IL12RB2: variants seen among roughly 807,000 people sequenced by gnomAD.
IL12RB2 encodes interleukin 12 receptor subunit beta 2.
In IL12RB2, 82 loss-of-function variants were observed where a neutral mutation model predicts 89.4. The ratio of observed to expected loss-of-function variants is 0.92; its 90% CI spans 0.77 to 1.10. IL12RB2 has a LOEUF of 1.10. IL12RB2 is among the 50% of genes least tolerant of loss of function. The pLI is 0.00. For synonymous variants in IL12RB2, 368 were observed against 370.1 expected, an observed-to-expected ratio of 0.99 and a Z score of 0.07; for missense variants, 963 against 1,031.9, an observed-to-expected ratio of 0.93 and a Z score of 0.92.
At chr1:67,373,567 G>A (rs1223350089) in intron 13 of IL12RB2, among the ~76,000 whole-genome samples, 1 of 152,150 alleles carries the variant, frequency 6.6e-6, no homozygotes, top group Non-Finnish European at 1.5e-5. Flanking sequence ...TATTCTATAA[G>A]TATAAAACTA....
chr1:67,324,961 A>G (rs1175300985), intron 4 of IL12RB2, among the ~76,000 whole-genome samples: 2 of 152,282 alleles, frequency 1.3e-5, no homozygotes, highest in Non-Finnish European at 2.9e-5. Context: ...AAAATGGAAC[A>G]AGAATAGATG....
chr1:67,310,527 G>A (rs1373368077), intron 1 of IL12RB2, among the ~76,000 whole-genome samples: 1 of 152,172 alleles, frequency 6.6e-6, no homozygotes, highest in African/African-American at 2.4e-5. Flanking sequence ...TAAATCAGAT[G>A]AATGGGCAAA....
intron 9 of IL12RB2, among the ~76,000 whole-genome samples, chr1:67,340,181 A>G (rs959852415): frequency 6.6e-6 from 1 of 152,186 alleles, no homozygotes; most frequent in Non-Finnish European, 1.5e-5. Flanking sequence ...GTCTGGTATA[A>G]GAAGAGACTA....
chr1:67,353,049 C>T (rs746341687), intron 10 of IL12RB2, among the ~76,000 whole-genome samples: 6 of 152,100 alleles, frequency 3.9e-5, no homozygotes, highest in Non-Finnish European at 1.5e-5. Flanking sequence ...AATGTAAGTA[C>T]GAAGATGTTT....
intron 6 of IL12RB2, among the ~76,000 whole-genome samples, 189 bp downstream of exon 6, chr1:67,328,573 T>A (rs896750856): frequency 3.9e-5 from 6 of 152,224 alleles, no homozygotes; most frequent in African/African-American, 1.4e-4. Flanking sequence ...AAGATGGCTA[T>A]ACAAAGTGGG....
chr1:67,386,551 T>G (rs1424344606), intron 14 of IL12RB2, 28 bp from the exon 15 acceptor site: 2 of 1,485,972 alleles, frequency 1.3e-6, no homozygotes, highest in East Asian at 4.5e-5. Context: ...GATAACTCAC[T>G]CAGTCACAGG....
chr1:67,363,215 T>A (rs1439589171), intron 10 of IL12RB2, among the ~76,000 whole-genome samples: 119 of 112,852 alleles, frequency 1.1e-3, no homozygotes, highest in Middle Eastern at 8.3e-3. Flanking sequence ...ATTCTTATTT[T>A]TTTTTTTTTT....
At chr1:67,318,140 T>C (rs1314095277) in intron 2 of IL12RB2, among the ~76,000 whole-genome samples, 1 of 152,146 alleles carries the variant, frequency 6.6e-6, no homozygotes, top group Admixed American at 6.5e-5. Context: ...CAAAGTCCTC[T>C]AGGCAGCAAA....
intron 9 of IL12RB2, among the ~76,000 whole-genome samples, chr1:67,349,788 A>G (rs1660625443): frequency 6.6e-6 from 1 of 152,242 alleles, no homozygotes; most frequent in Non-Finnish European, 1.5e-5. Flanking sequence ...AGAAGGCTTG[A>G]GTCAGCAGAT....
chr1:67,388,030 T>C (rs938804839), intron 15 of IL12RB2, among the ~76,000 whole-genome samples: 8 of 151,794 alleles, frequency 5.3e-5, no homozygotes, highest in Non-Finnish European at 1.2e-4. Context: ...ATACAAAAAT[T>C]AGTCAGCCAT....
chr1:67,353,576 A>G (rs1167786375), intron 10 of IL12RB2, among the ~76,000 whole-genome samples: 1 of 152,202 alleles, frequency 6.6e-6, no homozygotes, highest in African/African-American at 2.4e-5. Flanking sequence ...CTCAAAAGTA[A>G]ATAAAAAATA....
At chr1:67,352,986 T>C (rs939122379) in intron 10 of IL12RB2, among the ~76,000 whole-genome samples, 1 of 152,234 alleles carries the variant, frequency 6.6e-6, no homozygotes, top group Admixed American at 6.5e-5. Flanking sequence ...TTTGACCAGG[T>C]AATTTTAGCC....
chr1:67,382,108 G>A (rs1461897321), intron 14 of IL12RB2, among the ~76,000 whole-genome samples: 2 of 152,236 alleles, frequency 1.3e-5, no homozygotes, highest in African/African-American at 2.4e-5. Context: ...TTGGCCAAGT[G>A]CCGTGGCTCC....
intron 8 of IL12RB2, among the ~76,000 whole-genome samples, chr1:67,336,787 G>A (rs567918651): frequency 2.6e-5 from 4 of 152,296 alleles, no homozygotes; most frequent in South Asian, 2.1e-4. Flanking sequence ...GGGATAAAAC[G>A]GATTTGTGTT....
intron 4 of IL12RB2, among the ~76,000 whole-genome samples, chr1:67,325,100 C>T (rs914836303): frequency 6.6e-6 from 1 of 152,246 alleles, no homozygotes; most frequent in Non-Finnish European, 1.5e-5. Flanking sequence ...GAATGCATCC[C>T]TCTTGAGTCA....
chr1:67,330,623 G>C (rs892377503), intron 7 of IL12RB2, 37 bp from the exon 8 acceptor site: 2 of 985,170 alleles, frequency 2.0e-6, no homozygotes, highest in Non-Finnish European at 1.6e-6. Flanking sequence ...TAGCAATCTA[G>C]TATTAATAGG....
chr1:67,394,435 T>C (rs914519923), intron 16 of IL12RB2, among the ~76,000 whole-genome samples: 1 of 152,042 alleles, frequency 6.6e-6, no homozygotes, highest in African/African-American at 2.4e-5. Flanking sequence ...AGATAGGACA[T>C]TGAAGAGCTG....
In IL12RB2 at chr1:67,398,075, T is replaced by C. The variant is rs1666464765; in HGVS notation, c.*1986T>C. Among the ~76,000 whole-genome samples, 1 of 152,228 alleles carries C rather than the reference T, an allele frequency of 6.6e-6. No homozygotes were observed. On this transcript the variant is annotated 3_prime_UTR_variant, in exon 17 of 17. Transcript: ENST00000674203. Reference sequence around the variant, plus strand: ...CACCTATAGTTCTCTCAGGCTTTTTTTGAAAAGTTCCTTCGTTTCTATTTC... The same window carrying C: ...CACCTATAGTTCTCTCAGGCTTTTTCTGAAAAGTTCCTTCGTTTCTATTTC...
chr1:67,322,812 A>T (rs1656752355), intron 4 of IL12RB2, among the ~76,000 whole-genome samples: 1 of 152,246 alleles, frequency 6.6e-6, no homozygotes, highest in Non-Finnish European at 1.5e-5. Flanking sequence ...TGACATCTGC[A>T]GCATGAGCCA....
Sources: allele counts gnomAD v4.1 joint callset (sites outside exome capture counted in the v4.1 genomes callset), GRCh38; gene constraint gnomAD v4.1.1; transcripts MANE v1.5; gene names NCBI Gene and HGNC (gene_info 2026-07-23, HGNC 2026-07-21).